The following PPP1R1C variants were observed in gnomAD, a reference collection of about 807,000 sequenced individuals.
PPP1R1C encodes the protein protein phosphatase 1 regulatory subunit 1C.
PPP1R1C carries 15 observed loss-of-function variants against 17.4 expected under a neutral mutation model. That is an observed-to-expected ratio of 0.86 (90% CI 0.58 to 1.33). The LOEUF (loss-of-function observed/expected upper bound fraction) is 1.33, where lower values mean the gene tolerates loss of function less well. Ranked by LOEUF, PPP1R1C falls within the 40% of genes most tolerant of loss-of-function variation. The pLI, the probability that PPP1R1C is intolerant of heterozygous loss-of-function variation, is 0.00. For synonymous variants in PPP1R1C, 35 were observed against 43.1 expected, an observed-to-expected ratio of 0.81 and a Z score of 0.73; for missense variants, 143 against 130.0, an observed-to-expected ratio of 1.10 and a Z score of -0.48.
At chr2:182,060,124 C>T (rs1468585258) in intron 2 of PPP1R1C, among the ~76,000 whole-genome samples, 1 of 152,082 alleles carries the variant, frequency 6.6e-6, no homozygotes, top group Non-Finnish European at 1.5e-5. Flanking sequence ...GCATCAGACA[C>T]TTGTGATTGC....
At chr2:182,117,154 A>T in intron 4 of PPP1R1C, 53 bp from the exon 5 acceptor site, 2 of 1,222,352 alleles carry the variant, frequency 1.6e-6, no homozygotes, top group Non-Finnish European at 2.3e-6. Flanking sequence ...CAAAGCGGTT[A>T]ATATTCCAGA....
intron 2 of PPP1R1C, among the ~76,000 whole-genome samples, chr2:182,045,440 CA>C (rs11360325): frequency 0.66 from 96,391 of 146,944 alleles, 32,036 homozygotes; most frequent in Non-Finnish European, 0.74. Flanking sequence ...CTGTTAGTAA[CA>C]AAAAAAAAAA....
At chr2:181,960,423 T>C (rs888421933) in intron 1 of PPP1R1C, among the ~76,000 whole-genome samples, 1 of 152,230 alleles carries the variant, frequency 6.6e-6, no homozygotes, top group Non-Finnish European at 1.5e-5. Context: ...ATCAAATTCA[T>C]AGAAGCATAC....
chr2:182,104,315 G>A (rs778723272), intron 4 of PPP1R1C, among the ~76,000 whole-genome samples: 5 of 152,104 alleles, frequency 3.3e-5, no homozygotes, highest in Non-Finnish European at 7.4e-5. Context: ...TAGCTATGGG[G>A]TTGTCATACA....
At position 182,061,422 on chromosome 2, in the gene PPP1R1C, T is replaced by C. The variant is rs748333403; in HGVS notation, c.143-20T>C. Reference sequence around the variant, plus strand: ...AAAGAATATTACATGCCTAATACATTCTACCTACTTCTCTTACAGAAATAG... The same window carrying C: ...AAAGAATATTACATGCCTAATACATCCTACCTACTTCTCTTACAGAAATAG... On this transcript the variant is annotated intron_variant, in intron 2 of 4. Transcript: ENST00000682840. The C allele has an allele frequency of 2.4e-5, 34 of 1,430,802 alleles. No homozygotes were observed. Among genetic ancestry groups the C allele is most frequent in the Non-Finnish European group, 3.1e-5 (33 of 1,070,232 alleles). 88.6% of individuals were successfully genotyped at this position (1,430,802 alleles called of 1,614,324 possible).
At chr2:182,011,541 G>T (rs1686088673) in intron 2 of PPP1R1C, among the ~76,000 whole-genome samples, 1 of 151,644 alleles carries the variant, frequency 6.6e-6, no homozygotes, top group Non-Finnish European at 1.5e-5. Flanking sequence ...TGTTGATTCT[G>T]TTTATCTTTT....
chr2:181,973,408 C>G (rs917345841), intron 1 of PPP1R1C, among the ~76,000 whole-genome samples: 6 of 152,150 alleles, frequency 3.9e-5, no homozygotes, highest in African/African-American at 1.4e-4. Context: ...TAAACTGAAG[C>G]AACATAAGTC....
chr2:182,103,624 AAG>A (rs1328391999), intron 4 of PPP1R1C: 1 of 152,262 alleles, frequency 6.6e-6, no homozygotes, highest in Non-Finnish European at 1.5e-5. Flanking sequence ...GCCTGTGAAC[AAG>A]AATGCTTAAG....
At chr2:182,035,755 G>T (rs1259513402) in intron 2 of PPP1R1C, among the ~76,000 whole-genome samples, 2 of 152,078 alleles carry the variant, frequency 1.3e-5, no homozygotes, top group African/African-American at 4.8e-5. Flanking sequence ...CCTCAGCCAT[G>T]CCTCCTGTGC....
chr2:182,039,648 G>A (rs917763611), intron 2 of PPP1R1C, among the ~76,000 whole-genome samples: 10 of 152,148 alleles, frequency 6.6e-5, no homozygotes, highest in African/African-American at 9.7e-5. Flanking sequence ...GCCTCCCAAA[G>A]TACTGAGATT....
intron 2 of PPP1R1C, among the ~76,000 whole-genome samples, chr2:182,051,936 G>A (rs903719576): frequency 1.1e-4 from 16 of 151,712 alleles, no homozygotes; most frequent in African/African-American, 3.9e-4. Flanking sequence ...GGAGGCTGAG[G>A]TTGCAGTGAG....
chr2:182,090,107 T>G (rs1272299039), intron 4 of PPP1R1C, among the ~76,000 whole-genome samples: 1 of 152,192 alleles, frequency 6.6e-6, no homozygotes, highest in Non-Finnish European at 1.5e-5. Flanking sequence ...GTATACGTTC[T>G]GTACACTTAA....
rs2701674 is a variant in PPP1R1C, at chr2:182,100,319, A to G, written c.242-16888A>G. The stretch of plus-strand genomic sequence containing the variant: ...GAGGTCAAGAGATTGAGACCATCCT[A>G]GCCAACATGATGAAACCCCATCTCT... On this transcript the variant is annotated intron_variant, in intron 4 of 4. Coordinates refer to ENST00000682840, the MANE Select transcript of PPP1R1C (RefSeq NM_001080545.3). 2.9e-3 allele frequency among the ~76,000 whole-genome samples: 441 copies of G among 151,962 alleles called. 3 individuals are homozygous for G. Among genetic ancestry groups the G allele is most frequent in the African/African-American group, 9.7e-3 (401 of 41,478 alleles).
intron 2 of PPP1R1C, among the ~76,000 whole-genome samples, chr2:181,999,779 A>G (rs560093717): frequency 6.6e-6 from 1 of 151,138 alleles, no homozygotes; most frequent in Non-Finnish European, 1.5e-5. Context: ...TAAGCTAAAA[A>G]CAAAAAAAAA....
downstream of PPP1R1C, among the ~76,000 whole-genome samples, chr2:182,119,367 C>CGT (rs1163490744): frequency 1.4e-4 from 21 of 152,154 alleles, no homozygotes; most frequent in South Asian, 3.7e-3. Flanking sequence ...AATAAACATA[C>CGT]GTGTGCGTGT....
At chr2:182,109,164 C>CT (rs1297557505) in intron 4 of PPP1R1C, among the ~76,000 whole-genome samples, 2 of 152,022 alleles carry the variant, frequency 1.3e-5, no homozygotes, top group South Asian at 2.1e-4. Flanking sequence ...CTGTTCAGAC[C>CT]TTTTTTTTCC....
At chr2:181,955,417 C>T (rs1054485802) in intron 1 of PPP1R1C, among the ~76,000 whole-genome samples, 1 of 152,060 alleles carries the variant, frequency 6.6e-6, no homozygotes, top group East Asian at 1.9e-4. Flanking sequence ...AGGCCATGTG[C>T]GTGTGTTTAA....
chr2:181,986,012 G>A lies in PPP1R1C; in HGVS notation c.-99G>A, dbSNP rs924255115. ...AGCTATTTATTACGAAGCACTCTGT[G>A]TGGCTTAGTGGAGTGTGTCTGAGGA... On this transcript the variant is annotated 5_prime_UTR_variant, in exon 1 of 5. In the 5' UTR this introduces an upstream ATG that the reference lacks. Coordinates refer to ENST00000682840, the MANE Select transcript of PPP1R1C (RefSeq NM_001080545.3). The A allele has an allele frequency of 1.9e-5, 17 of 894,430 alleles. No homozygotes were observed. Among genetic ancestry groups the A allele is most frequent in the Non-Finnish European group, 3.2e-5 (17 of 535,148 alleles). 55.4% of individuals were successfully genotyped at this position (894,430 alleles called of 1,614,324 possible). A position where few individuals can be genotyped will look rare whatever the true frequency, so the allele number is the denominator to read the frequency against.
chr2:182,120,733 T>C (rs1689714171), downstream of PPP1R1C, among the ~76,000 whole-genome samples: 1 of 152,192 alleles, frequency 6.6e-6, no homozygotes, highest in Admixed American at 6.5e-5. Context: ...TTTAAAATGC[T>C]TTTTCAAAGG....
Sources: gnomAD v4.1 joint callset for allele counts (sites outside exome capture counted in the v4.1 genomes callset) on GRCh38, gnomAD v4.1.1 for gene constraint, MANE v1.5 for transcripts, NCBI Gene and HGNC (gene_info 2026-07-23, HGNC 2026-07-21) for gene names.